Variants in SGK1 observed in about 807,000 individuals in gnomAD.
SGK1 encodes the protein serine/threonine-protein kinase Sgk1.
A neutral mutation model predicts 64.2 loss-of-function variants in SGK1; 26 were observed. That is an observed-to-expected ratio of 0.40 (90% CI 0.30 to 0.56). SGK1 has a LOEUF of 0.56. SGK1 is among the 20% of genes least tolerant of loss of function. SGK1 has a pLI of 0.38. For synonymous variants in SGK1, 265 were observed against 239.7 expected (o/e 1.11, Z -0.98); for missense variants, 519 against 645.6 (o/e 0.80, Z 2.12).
chr6:134,315,479 C>T (rs1777668284), intron 1 of SGK1, among the ~76,000 whole-genome samples: 1 of 151,870 alleles, frequency 6.6e-6, no homozygotes, highest in African/African-American at 2.4e-5. Flanking sequence ...GAGTCACCAA[C>T]TGAAGTCTAT....
chr6:134,234,139 C>T (rs1160493289), intron 2 of SGK1, among the ~76,000 whole-genome samples: 4 of 152,250 alleles, frequency 2.6e-5, no homozygotes, highest in Admixed American at 1.3e-4. Context: ...GTGGCTCACG[C>T]CTGTGATTCC....
At chr6:134,174,928 A>T (rs1023774624) in intron 3 of SGK1, 1 of 1,518,154 alleles carries the variant, frequency 6.6e-7, no homozygotes, top group South Asian at 1.2e-5. Context: ...CCTGCGCGAC[A>T]GTGAGAAGTG....
intron 1 of SGK1, among the ~76,000 whole-genome samples, chr6:134,312,306 A>G (rs932051752): frequency 3.9e-5 from 6 of 152,226 alleles, no homozygotes; most frequent in Non-Finnish European, 7.4e-5. Flanking sequence ...AAAGTTTCCC[A>G]TAAGAAAAGG....
chr6:134,302,992 T>G (rs1777480710), intron 1 of SGK1, among the ~76,000 whole-genome samples: 1 of 152,070 alleles, frequency 6.6e-6, no homozygotes, highest in South Asian at 2.1e-4. Flanking sequence ...TAACCTCAAG[T>G]GATCCACCCA....
intron 2 of SGK1, among the ~76,000 whole-genome samples, chr6:134,210,592 G>A (rs142005473): frequency 0.019 from 2,824 of 152,112 alleles, 41 homozygotes; most frequent in Non-Finnish European, 0.03. Context: ...TTGGGAGGCC[G>A]AGGCGGGTGG....
At chr6:134,279,806 C>T (rs983791094) in intron 1 of SGK1, among the ~76,000 whole-genome samples, 3 of 152,108 alleles carry the variant, frequency 2.0e-5, no homozygotes, top group East Asian at 1.9e-4. Flanking sequence ...GTTCTACATA[C>T]GAATTTGAAA....
chr6:134,303,445 G>T (rs916439396), intron 1 of SGK1, among the ~76,000 whole-genome samples: 7 of 151,606 alleles, frequency 4.6e-5, no homozygotes, highest in African/African-American at 1.7e-4. Flanking sequence ...TAAATGCCTT[G>T]CCCGATGTTA....
Position 134,175,644 on chromosome 6 carries a change from G to T in SGK1, c.362-1058C>A, listed in dbSNP as rs753106560. The T allele has an allele frequency of 1.6e-5, 25 of 1,524,388 alleles. No homozygotes were observed. In the Admixed American group the frequency reaches 4.2e-4, roughly 26 times the overall value. 94.4% of individuals were successfully genotyped at this position (1,524,388 alleles called of 1,614,324 possible). A position where few individuals can be genotyped will look rare whatever the true frequency, so the allele number is the denominator to read the frequency against. ...ACTCGAGCCGGGCTCTGGCCAGCGCGCCCTGCATCTCCCCCATGGGCAGCG... is the reference window on the plus strand; with the variant it reads ...ACTCGAGCCGGGCTCTGGCCAGCGCTCCCTGCATCTCCCCCATGGGCAGCG... On this transcript the variant is annotated intron_variant, in intron 3 of 13. Coordinates refer to ENST00000367858, the MANE Select transcript of SGK1 (RefSeq NM_001143676.3).
intron 3 of SGK1, chr6:134,175,684 C>T (rs1165564440): frequency 1.4e-6 from 2 of 1,471,446 alleles, no homozygotes; most frequent in Admixed American, 2.4e-5. Flanking sequence ...GCGGGGCGCG[C>T]GGCAGACGAG....
chr6:134,195,127 T>C (rs1238714724), intron 3 of SGK1, among the ~76,000 whole-genome samples: 4 of 152,178 alleles, frequency 2.6e-5, no homozygotes, highest in East Asian at 3.9e-4. Context: ...TTTAGGACTA[T>C]GGAAATGAAA....
At chr6:134,280,237 C>G (rs17236786) in intron 1 of SGK1, among the ~76,000 whole-genome samples, 8,785 of 151,278 alleles carry the variant, frequency 0.058, 377 homozygotes, top group Non-Finnish European at 0.085. Flanking sequence ...CTTCCTGGCC[C>G]ATTCCATCTT....
chr6:134,171,093 G>C lies in SGK1; in HGVS notation c.1253C>G (p.Ser418Cys), dbSNP rs945373246. Residue 418 changes from serine to cysteine, a missense_variant, in exon 12 of 14, where the codon TCC becomes TGC. Around this residue, in one of 2 missense-constraint regions of SGK1, gnomAD observed 278 missense variants for 408.7 expected, o/e 0.68. Transcript: ENST00000367858. Reference protein sequence around the residue: ...PLQLKPNITNSARHLLEGLLQ... With the variant: ...PLQLKPNITNCARHLLEGLLQ... ...GAGGCCCTCCAGGAGGTGTCTTGCGGAATTTGTAATATTTGGTTTCAGCTG... is the reference window on the plus strand; with the variant it reads ...GAGGCCCTCCAGGAGGTGTCTTGCGCAATTTGTAATATTTGGTTTCAGCTG... The C allele has an allele frequency of 6.2e-7, 1 of 1,614,028 alleles. No homozygotes were observed. Among genetic ancestry groups the C allele is most frequent in the African/African-American group, 1.3e-5 (1 of 74,924 alleles).
chr6:134,225,351 GGA>G lies in SGK1; in HGVS notation c.286-17922_286-17921del, dbSNP rs1491507376. ...GGGTGACAGAGCGAGACTCCATCTC[GGA>G]AAAAAAAAAAAAAAAGAAAAGAAAT... On this transcript the variant is annotated intron_variant, in intron 2 of 13. Coordinates refer to ENST00000367858, the MANE Select transcript of SGK1 (RefSeq NM_001143676.3). Among the ~76,000 whole-genome samples the G allele has an allele frequency of 5.4e-3, 531 of 97,822 alleles. 5 individuals carry two copies. The highest frequency in any genetic ancestry group is 0.016 in the African/African-American group (467 of 28,838). The allele number at this position is 97,822 out of a possible 152,430, so 64.2% of individuals were successfully genotyped here. A position where few individuals can be genotyped will look rare whatever the true frequency, so the allele number is the denominator to read the frequency against.
At chr6:134,234,230 C>T (rs1316730631) in intron 2 of SGK1, among the ~76,000 whole-genome samples, 1 of 152,120 alleles carries the variant, frequency 6.6e-6, no homozygotes, top group Non-Finnish European at 1.5e-5. Flanking sequence ...GGTGAAACCC[C>T]ATCTCTACTA....
chr6:134,208,818 G>T (rs751576282), intron 2 of SGK1, among the ~76,000 whole-genome samples: 3 of 148,510 alleles, frequency 2.0e-5, no homozygotes, highest in Admixed American at 6.7e-5. Flanking sequence ...ACACATACAC[G>T]CATGTATATA....
rs2114666889 is a variant in SGK1 at position 134,192,502 on chromosome 6, G to T, written c.361+14854C>A. ...AACTTCAATCAACTCTCTTGAATTCGCTGGGGACCCTCTGCTCTAAAATAT... is the reference window on the plus strand; with the variant it reads ...AACTTCAATCAACTCTCTTGAATTCTCTGGGGACCCTCTGCTCTAAAATAT... On this transcript the variant is annotated intron_variant, in intron 3 of 13. Coordinates refer to ENST00000367858, the MANE Select transcript of SGK1 (RefSeq NM_001143676.3). Among the ~76,000 whole-genome samples the T allele has an allele frequency of 2.0e-5, 3 of 152,140 alleles. No individual in the cohort carries two copies. In the South Asian group the frequency reaches 6.2e-4, roughly 32 times the overall value.
intron 1 of SGK1, among the ~76,000 whole-genome samples, chr6:134,273,299 T>C (rs1237772449): frequency 6.8e-6 from 1 of 146,948 alleles, no homozygotes. Context: ...GGGAAGGCTT[T>C]CTGGTGGAAG....
chr6:134,190,904 G>C (rs901700032), intron 3 of SGK1, among the ~76,000 whole-genome samples: 105 of 152,314 alleles, frequency 6.9e-4, no homozygotes, highest in African/African-American at 2.4e-3. Flanking sequence ...AGGTTGCCTT[G>C]TTAGAACATG....
At chr6:134,180,657 G>A (rs1218508733) in intron 3 of SGK1, among the ~76,000 whole-genome samples, 2 of 152,042 alleles carry the variant, frequency 1.3e-5, no homozygotes, top group Non-Finnish European at 2.9e-5. Flanking sequence ...AGGATCACTT[G>A]AGCTCAGGAG....
Sources: allele counts gnomAD v4.1 joint callset (sites outside exome capture counted in the v4.1 genomes callset), GRCh38; gene constraint gnomAD v4.1.1; regional missense constraint gnomAD v4.1.1; transcripts MANE v1.5; gene names NCBI Gene and HGNC (gene_info 2026-07-23, HGNC 2026-07-21).